BBS9: variants seen among roughly 807,000 people sequenced by gnomAD.
BBS9 encodes protein PTHB1.
A neutral mutation model predicts 117.7 loss-of-function variants in BBS9; 89 were observed. The observed-to-expected ratio is 0.76, with a 90% confidence interval of 0.64 to 0.90. The LOEUF is 0.90. BBS9 is among the 40% of genes least tolerant of loss of function. The pLI is 0.00. For missense variants in BBS9, 982 were observed against 1,042.2 expected (o/e 0.94, Z 0.80); for synonymous variants, 379 against 370.9 (o/e 1.02, Z -0.25).
At chr7:33,449,726 A>G (rs889501497) in intron 19 of BBS9, among the ~76,000 whole-genome samples, 2 of 152,230 alleles carry the variant, frequency 1.3e-5, no homozygotes, top group South Asian at 2.1e-4. Flanking sequence ...GAAATAAACG[A>G]ACTCAACCAA....
In BBS9 at chr7:33,381,068, G is replaced by T. The variant is rs551445675; in HGVS notation, c.1790-2598G>T. ...CCAAAGACCAGGGGGTTCAGAGCCTGAAAAACACTTTTAATGGCAGTTTTT... is the reference window on the plus strand; with the variant it reads ...CCAAAGACCAGGGGGTTCAGAGCCTTAAAAACACTTTTAATGGCAGTTTTT... On this transcript the variant is annotated intron_variant, in intron 17 of 22. Transcript: ENST00000242067. Among the ~76,000 whole-genome samples, 4 of 152,296 alleles carry T rather than the reference G, an allele frequency of 2.6e-5. No individual in the cohort carries two copies. In the East Asian group the frequency reaches 7.7e-4, roughly 29 times the overall value.
chr7:33,314,234 C>A, intron 9 of BBS9: 1 of 413,868 alleles, frequency 2.4e-6, no homozygotes, highest in Non-Finnish European at 4.7e-6. Context: ...ATTTTAATTT[C>A]CTTTCTTTTT....
chr7:33,164,282 T>G (rs1346292466), intron 4 of BBS9, among the ~76,000 whole-genome samples: 1 of 152,240 alleles, frequency 6.6e-6, no homozygotes, highest in Non-Finnish European at 1.5e-5. Flanking sequence ...AAGTGCGATG[T>G]GGTGCTGAGA....
At chr7:33,547,825 A>G in intron 21 of BBS9, among the ~76,000 whole-genome samples, 1 of 152,206 alleles carries the variant, frequency 6.6e-6, no homozygotes, top group East Asian at 1.9e-4. Flanking sequence ...ATAGTTTATA[A>G]ATAAAGAGGT....
chr7:33,174,547 A>G (rs1170054906), intron 4 of BBS9, among the ~76,000 whole-genome samples: 1 of 152,044 alleles, frequency 6.6e-6, no homozygotes, highest in Admixed American at 6.5e-5. Flanking sequence ...ATTGTTTACA[A>G]CTCAGCATTC....
intron 4 of BBS9, among the ~76,000 whole-genome samples, chr7:33,156,621 G>T (rs1794124449): frequency 6.6e-6 from 1 of 152,146 alleles, no homozygotes; most frequent in Non-Finnish European, 1.5e-5. Flanking sequence ...TCCAAGGCAG[G>T]CTTGGTAACC....
intron 20 of BBS9, among the ~76,000 whole-genome samples, chr7:33,510,306 C>T (rs969952364): frequency 1.3e-5 from 2 of 151,840 alleles, no homozygotes; most frequent in African/African-American, 4.8e-5. Flanking sequence ...TCGATTGACC[C>T]TCTGTCTGCT....
chr7:33,259,201 T>A (rs1212766569), intron 6 of BBS9, among the ~76,000 whole-genome samples: 1 of 152,212 alleles, frequency 6.6e-6, no homozygotes, highest in African/African-American at 2.4e-5. Flanking sequence ...GTTAATATAA[T>A]ATAATCAATT....
intron 6 of BBS9, among the ~76,000 whole-genome samples, chr7:33,262,119 T>C (rs1428720271): frequency 6.6e-6 from 1 of 152,204 alleles, no homozygotes; most frequent in African/African-American, 2.4e-5. Flanking sequence ...CTAATTTTAC[T>C]GTCAAGTTTA....
intron 16 of BBS9, among the ~76,000 whole-genome samples, chr7:33,366,221 C>G (rs904352704): frequency 9.9e-5 from 15 of 152,196 alleles, no homozygotes; most frequent in African/African-American, 3.6e-4. Context: ...CTGGTGTCTT[C>G]TGTGAAGCAG....
At chr7:33,387,341 C>T (rs1563101907) in intron 18 of BBS9, among the ~76,000 whole-genome samples, 1 of 151,964 alleles carries the variant, frequency 6.6e-6, no homozygotes, top group Non-Finnish European at 1.5e-5. Context: ...TGCTGATTTC[C>T]TACTGATTTC....
chr7:33,414,950 T>C lies in BBS9; in HGVS notation c.2115+26806T>C, dbSNP rs559953247. On this transcript the variant is annotated intron_variant, in intron 19 of 22. Transcript: ENST00000242067. ...GTGGTTTTCACATTTTTTTAAAAAT[T>C]GAAATCACAACTTCAAATTGAAGCC... 3.3e-5 allele frequency among the ~76,000 whole-genome samples: 5 copies of C among 152,264 alleles called. No homozygotes were observed. The South Asian group carries it at 8.3e-4, about 25-fold the overall frequency.
Position 33,273,102 on chromosome 7 carries a change from G to A in BBS9, c.793G>A (p.Glu265Lys). The part of the protein sequence containing the change: ...QSASSVFVLG[E>K]RNFFCLKDNG... ...GGCATCCTCTGTTTTTGTTCTTGGTGAGAGAAACTTTTTTTGCCTTAAGGA... is the reference window on the plus strand; with the variant it reads ...GGCATCCTCTGTTTTTGTTCTTGGTAAGAGAAACTTTTTTTGCCTTAAGGA... Residue 265 changes from glutamate (E) to lysine (K), a missense_variant, in exon 8 of 23, where the codon GAG becomes AAG. Physicochemically the swap from Glu to Lys is moderately conservative, Grantham distance 56. Transcript: ENST00000242067. 1.2e-6 allele frequency: 2 copies of A among 1,613,710 alleles called. No individual in the cohort carries two copies. The highest frequency in any genetic ancestry group is 1.7e-6 in the Non-Finnish European group (2 of 1,179,788).
At position 33,355,768 on chromosome 7, in the gene BBS9, C is replaced by T. The variant is rs12056037; in HGVS notation, c.1553-2087C>T. On this transcript the variant is annotated intron_variant, in intron 15 of 22. Transcript: ENST00000242067. The stretch of plus-strand genomic sequence containing the variant: ...ATTAGTGCTTGCAATCCATTTGTTT[C>T]GATTTCTGAAAACATATACACTACC... Among the ~76,000 whole-genome samples the T allele has an allele frequency of 1.6e-4, 24 of 151,870 alleles. No homozygotes were observed. The South Asian group carries it at 1.9e-3, about 12-fold the overall frequency.
intron 21 of BBS9, among the ~76,000 whole-genome samples, chr7:33,562,971 T>G (rs575850164): frequency 6.6e-6 from 1 of 152,242 alleles, no homozygotes; most frequent in South Asian, 2.1e-4. Flanking sequence ...TAACATATTT[T>G]TACAAAACCA....
intron 16 of BBS9, among the ~76,000 whole-genome samples, chr7:33,362,363 C>G (rs547043622): frequency 3.9e-5 from 6 of 152,084 alleles, no homozygotes; most frequent in African/African-American, 1.4e-4. Flanking sequence ...CAAAGTTTCT[C>G]TCTCTTTTTT....
At chr7:33,233,098 AG>A (rs909798745) in intron 5 of BBS9, among the ~76,000 whole-genome samples, 4 of 152,096 alleles carry the variant, frequency 2.6e-5, no homozygotes, top group Non-Finnish European at 4.4e-5. Context: ...TTGAAGAAAT[AG>A]GGGGGGTTGA....
chr7:33,326,588 C>T (rs1437595028), intron 9 of BBS9, among the ~76,000 whole-genome samples: 1 of 152,010 alleles, frequency 6.6e-6, no homozygotes, highest in Non-Finnish European at 1.5e-5. Flanking sequence ...TGGGAATGTG[C>T]TGACCGGAAG....
chr7:33,567,716 T>C (rs540654436), intron 21 of BBS9, among the ~76,000 whole-genome samples: 2 of 152,326 alleles, frequency 1.3e-5, no homozygotes, highest in South Asian at 4.1e-4. Context: ...CAGTTGTTTA[T>C]TGACCTTTTC....
Sources: gnomAD v4.1 joint callset for allele counts (sites outside exome capture counted in the v4.1 genomes callset) on GRCh38, gnomAD v4.1.1 for gene constraint, MANE v1.5 for transcripts, NCBI Gene and HGNC (gene_info 2026-07-23, HGNC 2026-07-21) for gene names.